DNAJC28: variants seen among roughly 807,000 people sequenced by gnomAD.
The protein encoded by DNAJC28 is dnaJ homolog subfamily C member 28.
DNAJC28 carries 24 observed loss-of-function variants against 33.3 expected under a neutral mutation model. The ratio of observed to expected loss-of-function variants is 0.72; its 90% confidence interval spans 0.52 to 1.01. The LOEUF (loss-of-function observed/expected upper bound fraction) is 1.01, where lower values mean the gene tolerates loss of function less well. Among genes scored for constraint, DNAJC28 ranks in the 50% least tolerant of loss-of-function variants. DNAJC28 has a pLI of 0.00. For missense variants in DNAJC28, 442 were observed against 455.2 expected, an observed-to-expected ratio of 0.97 and a Z score of 0.26; for synonymous variants, 120 against 147.2, an observed-to-expected ratio of 0.82 and a Z score of 1.34.
intron 1 of DNAJC28, among the ~76,000 whole-genome samples, chr21:33,490,854 A>G (rs1255770336): frequency 1.3e-5 from 2 of 152,196 alleles, no homozygotes; most frequent in East Asian, 3.8e-4. Flanking sequence ...ATCTAATCCA[A>G]TCTTCTCATT....
Position 33,488,705 on chromosome 21 carries a change from A to G in DNAJC28, c.689T>C (p.Phe230Ser). ...GGGATCAATGTAAGAACAGTCAGAAAACTTTTTCAGAGGTTTTCCTTTCCC... is the reference window on the plus strand; with the variant it reads ...GGGATCAATGTAAGAACAGTCAGAAGACTTTTTCAGAGGTTTTCCTTTCCC... ...LSGKGKPLKKFSDCSYIDPMT... is the reference protein window; with the variant it reads ...LSGKGKPLKKSSDCSYIDPMT... The change falls in exon 2 of 2, where the codon TTT (phenylalanine) becomes TCT (serine). Residue 230 changes from phenylalanine (F) to serine (S), a missense_variant. Transcript: ENST00000381947. 6.2e-7 allele frequency: 1 copy of G among 1,609,702 alleles called. No homozygotes were observed. Among genetic ancestry groups the G allele is most frequent in the South Asian group, 1.1e-5 (1 of 89,868 alleles).
At chr21:33,491,505 G>A (rs894768125) in intron 1 of DNAJC28, 97 bp downstream of exon 1, 1 of 152,596 alleles carries the variant, frequency 6.6e-6, no homozygotes. Context: ...TTCACTGCGG[G>A]TGTCCCTCCC....
rs761873408 is a variant in DNAJC28 at position 33,488,261 on chromosome 21, T to C, written c.1133A>G (p.Asn378Ser). 6.6e-7 allele frequency: 1 copy of C among 1,521,428 alleles called. No individual in the cohort carries two copies. The highest frequency in any genetic ancestry group is 2.3e-5 in the East Asian group (1 of 43,502). 94.2% of individuals were successfully genotyped at this position (1,521,428 alleles called of 1,614,324 possible). A position where few individuals can be genotyped will look rare whatever the true frequency, so the allele number is the denominator to read the frequency against. ...EIKKGFLNWMNLWKFIKIRSF is the reference protein window; with the variant it reads ...EIKKGFLNWMSLWKFIKIRSF ...TCGTATTTTAATAAATTTCCACAGATTCATCCAGTTTAAAAAACCTTTCTT... is the reference window on the plus strand; with the variant it reads ...TCGTATTTTAATAAATTTCCACAGACTCATCCAGTTTAAAAAACCTTTCTT... The change falls in exon 2 of 2, where the codon AAT (asparagine) becomes AGT (serine). Residue 378 changes from asparagine to serine, a missense_variant. By Grantham distance (46) the Asn-to-Ser change is conservative (BLOSUM62 1). Coordinates refer to ENST00000381947, the MANE Select transcript of DNAJC28 (RefSeq NM_001040192.3).
In DNAJC28 at chr21:33,491,453, G is replaced by GC. The variant is rs538456044; in HGVS notation, c.-32+148dup. On this transcript the variant is annotated intron_variant, in intron 1 of 1. Transcript: ENST00000381947. ...CTGGGGTAGGGGTTCCGCGGCTCCC[G>GC]CCCCCCTGCCGCGCCTCTGCGCATG... 2.0e-3 allele frequency: 312 copies of GC among 152,336 alleles called. 1 individual carries two copies. The highest frequency in any genetic ancestry group is 3.9e-3 in the South Asian group (19 of 4,826). 9.4% of individuals were successfully genotyped at this position (152,336 alleles called of 1,614,324 possible).
At chr21:33,490,593 G>A (rs2084513849) in intron 1 of DNAJC28, among the ~76,000 whole-genome samples, 1 of 150,750 alleles carries the variant, frequency 6.6e-6, no homozygotes, top group Admixed American at 6.6e-5. Context: ...GGCTAACATG[G>A]CAAAACCCTG....
intron 1 of DNAJC28, among the ~76,000 whole-genome samples, chr21:33,490,765 A>C (rs952275047): frequency 2.0e-5 from 3 of 152,078 alleles, no homozygotes; most frequent in African/African-American, 7.2e-5. Flanking sequence ...TGTCTCAAAA[A>C]AATATAGATA....
chr21:33,490,293 G>A (rs557067416), intron 1 of DNAJC28, among the ~76,000 whole-genome samples: 1 of 150,664 alleles, frequency 6.6e-6, no homozygotes, highest in Admixed American at 6.6e-5. Flanking sequence ...ATTTTTAGTA[G>A]AGACGGCGTT....
chr21:33,488,075 C>T lies in DNAJC28; in HGVS notation c.*152G>A. 1 of 627,720 alleles carries T rather than the reference C, an allele frequency of 1.6e-6. No homozygotes were observed. Among genetic ancestry groups the T allele is most frequent in the Non-Finnish European group, 2.5e-6 (1 of 396,434 alleles). 38.9% of individuals were successfully genotyped at this position (627,720 alleles called of 1,614,324 possible). On this transcript the variant is annotated 3_prime_UTR_variant, in exon 2 of 2. Transcript: ENST00000381947. Reference sequence around the variant, plus strand: ...TTCTTGCTATATCCTCAGGACAAACCTGATAGGTTTCTCACTCACACATCA... The same window carrying T: ...TTCTTGCTATATCCTCAGGACAAACTTGATAGGTTTCTCACTCACACATCA...
At position 33,489,025 on chromosome 21, in the gene DNAJC28, T is replaced by C. The variant is rs2084493740; in HGVS notation, c.369A>G (p.Val123=). 1 of 1,612,340 alleles carries C rather than the reference T, an allele frequency of 6.2e-7. No homozygotes were observed. Among genetic ancestry groups the C allele is most frequent in the Non-Finnish European group, 8.5e-7 (1 of 1,179,668 alleles). ...SQSKGEEEED[V]EKFKYKTPQH... ...GGGGTGTTTTATATTTGAATTTTTC[T>C]ACATCTTCTTCTTCTTCACCTTTAC... Residue 123 remains valine (V), a synonymous_variant, in exon 2 of 2, where the codon GTA becomes GTG. Coordinates refer to ENST00000381947, the MANE Select transcript of DNAJC28 (RefSeq NM_001040192.3).
chr21:33,489,209 C>A lies in DNAJC28; in HGVS notation c.185G>T (p.Cys62Phe). The A allele has an allele frequency of 1.2e-6, 2 of 1,607,054 alleles. No individual in the cohort carries two copies. Among genetic ancestry groups the A allele is most frequent in the Non-Finnish European group, 1.7e-6 (2 of 1,177,772 alleles). The change falls in exon 2 of 2, where the codon TGC (cysteine) becomes TTC (phenylalanine). Residue 62 changes from cysteine (C) to phenylalanine (F), a missense_variant. By Grantham distance (205) the Cys-to-Phe change is radical. Transcript: ENST00000381947. ...YYRLLNVEEG[C>F]SADEVRESFH... Reference sequence around the variant, plus strand: ...AGATTCCCTGACTTCATCTGCAGAGCATCCTTCCTCCACGTTCAGCAGTCT... The same window carrying A: ...AGATTCCCTGACTTCATCTGCAGAGAATCCTTCCTCCACGTTCAGCAGTCT...
At position 33,488,926 on chromosome 21, in the gene DNAJC28, T is replaced by C; in HGVS notation, c.468A>G (p.Gln156=). ...TPTQREKHYR[Q]FRADRAAEQV... is the part of the protein sequence containing the mutation. ...GTTCAGCAGCACGGTCTGCCCTAAA[T>C]TGCCTATAATGCTTCTCTCGTTGAG... Residue 156 remains glutamine (Q), a synonymous_variant, in exon 2 of 2, where the codon CAA becomes CAG. Coordinates refer to ENST00000381947, the MANE Select transcript of DNAJC28 (RefSeq NM_001040192.3). 6.2e-7 allele frequency: 1 copy of C among 1,613,546 alleles called. No individual in the cohort carries two copies. Among genetic ancestry groups the C allele is most frequent in the Non-Finnish European group, 8.5e-7 (1 of 1,180,008 alleles).
In DNAJC28 at chr21:33,489,243, C is replaced by A. The variant is rs2084497782; in HGVS notation, c.151G>T (p.Glu51Ter). Residue 51 changes from glutamate (E) to a stop codon, truncating the protein, a stop_gained, in exon 2 of 2, where the codon GAA becomes TAA. Transcript: ENST00000381947. LOFTEE classifies it high-confidence loss of function. ...STHKSKKKIR[E>*]YYRLLNVEEG... is the part of the protein sequence containing the mutation. ...TCCACGTTCAGCAGTCTATAATATT[C>A]TCTGATCTTCTTTTTGGATTTATGG... The A allele has an allele frequency of 6.3e-7, 1 of 1,599,692 alleles. No individual in the cohort carries two copies. The highest frequency in any genetic ancestry group is 8.5e-7 in the Non-Finnish European group (1 of 1,176,048).
chr21:33,489,503 A>C (rs754527441), intron 1 of DNAJC28, 79 bp from the exon 2 acceptor site: 84 of 713,408 alleles, frequency 1.2e-4, no homozygotes, highest in Non-Finnish European at 1.6e-4. Flanking sequence ...AAGGTAAAAG[A>C]TACAGCATGA....
At position 33,489,675 on chromosome 21, in the gene DNAJC28, A is replaced by G. The variant is rs147715170; in HGVS notation, c.-31-251T>C. Among the ~76,000 whole-genome samples the G allele has an allele frequency of 5.3e-3, 795 of 150,158 alleles. 8 individuals are homozygous for G. Among genetic ancestry groups the G allele is most frequent in the African/African-American group, 0.015 (612 of 40,674 alleles). ...TAGCTAATTTTTTTGTATTTTTAGT[A>G]GAGAAGGGGTTTCACCATATCGCCC... On this transcript the variant is annotated intron_variant, in intron 1 of 1. Transcript: ENST00000381947.
chr21:33,488,159 T>G lies in DNAJC28; in HGVS notation c.*68A>C. On this transcript the variant is annotated 3_prime_UTR_variant, in exon 2 of 2. Coordinates refer to ENST00000381947, the MANE Select transcript of DNAJC28 (RefSeq NM_001040192.3). Reference sequence around the variant, plus strand: ...TGGCACAATTCTTAAATTCTTGTATTATAGCAATAAATCTCATTTTCCATG... The same window carrying G: ...TGGCACAATTCTTAAATTCTTGTATGATAGCAATAAATCTCATTTTCCATG... The G allele has an allele frequency of 8.0e-7, 1 of 1,245,578 alleles. No homozygotes were observed. Among genetic ancestry groups the G allele is most frequent in the Non-Finnish European group, 1.1e-6 (1 of 920,898 alleles). The allele number at this position is 1,245,578 out of a possible 1,614,324, so 77.2% of individuals were successfully genotyped here.
At position 33,489,298 on chromosome 21, in the gene DNAJC28, A is replaced by G; in HGVS notation, c.96T>C (p.Phe32=). ...IPNRVKMLPY[F]GIIRNRMMST... is the part of the protein sequence containing the mutation. ...ACATCATTCTATTTCTAATGATACC[A>G]AAATATGGAAGCATTTTCACTCGAT... The change falls in exon 2 of 2, where the codon TTT becomes TTC. Residue 32 remains phenylalanine (F), a synonymous_variant. Coordinates refer to ENST00000381947, the MANE Select transcript of DNAJC28 (RefSeq NM_001040192.3). The G allele has an allele frequency of 6.3e-7, 1 of 1,595,862 alleles. No individual in the cohort carries two copies.
At position 33,489,013 on chromosome 21, in the gene DNAJC28, T is replaced by A; in HGVS notation, c.381A>T (p.Lys127Asn). ...AATGTCGGTGTTGGGGTGTTTTATA[T>A]TTGAATTTTTCTACATCTTCTTCTT... ...GEEEEDVEKF[K>N]YKTPQHRHYL... The change falls in exon 2 of 2, where the codon AAA becomes AAT. Residue 127 changes from lysine (K) to asparagine (N), a missense_variant. Lys to Asn is a moderately conservative substitution (Grantham distance 94, BLOSUM62 0). Transcript: ENST00000381947. The A allele has an allele frequency of 3.1e-6, 5 of 1,612,270 alleles. No individual in the cohort carries two copies. The highest frequency in any genetic ancestry group is 4.2e-6 in the Non-Finnish European group (5 of 1,179,672).
Position 33,489,274 on chromosome 21 carries a change from C to T in DNAJC28, c.120G>A (p.Met40Ile). ...PYFGIIRNRMMSTHKSKKKIR... is the reference protein window; with the variant it reads ...PYFGIIRNRMISTHKSKKKIR... ...TCTTCTTTTTGGATTTATGGGTTGA[C>T]ATCATTCTATTTCTAATGATACCAA... The change falls in exon 2 of 2, where the codon ATG becomes ATA. Residue 40 changes from methionine to isoleucine, a missense_variant. Coordinates refer to ENST00000381947, the MANE Select transcript of DNAJC28 (RefSeq NM_001040192.3). 6.2e-7 allele frequency: 1 copy of T among 1,603,004 alleles called. No homozygotes were observed. Among genetic ancestry groups the T allele is most frequent in the Non-Finnish European group, 8.5e-7 (1 of 1,176,874 alleles).
At chr21:33,490,889 G>A (rs2084516431) in intron 1 of DNAJC28, among the ~76,000 whole-genome samples, 1 of 152,144 alleles carries the variant, frequency 6.6e-6, no homozygotes, top group African/African-American at 2.4e-5. Context: ...AGGTCCGGAA[G>A]GTTAAGCAAT....
Sources: allele counts gnomAD v4.1 joint callset (sites outside exome capture counted in the v4.1 genomes callset), GRCh38; gene constraint gnomAD v4.1.1; transcripts MANE v1.5; gene names NCBI Gene and HGNC (gene_info 2026-07-23, HGNC 2026-07-21).